Variants in ZDHHC9 observed in about 807,000 individuals in gnomAD.
ZDHHC9 encodes zDHHC palmitoyltransferase 9.
Under a neutral mutation model 26.6 loss-of-function variants are expected in ZDHHC9, and 3 were observed. The observed-to-expected ratio is 0.11, with a 90% CI of 0.05 to 0.29. The LOEUF is 0.29. ZDHHC9 is among the 10% of genes least tolerant of loss of function. The probability of loss-of-function intolerance (pLI) is 1.00; values close to 1 mark genes in which losing one functional copy is unlikely to be tolerated. For missense variants in ZDHHC9, 146 were observed against 296.4 expected (o/e 0.49, Z 3.73); for synonymous variants, 111 against 109.4 (o/e 1.01, Z -0.09).
chrX:129,830,237 T>A (rs914390048), intron 3 of ZDHHC9, among the ~76,000 whole-genome samples: 1 of 111,537 alleles, frequency 9.0e-6, no homozygotes, highest in African/African-American at 3.3e-5. Context: ...CTGGGAATGC[T>A]CCGGTTTGAA....
At position 129,806,366 on chromosome X, in the gene ZDHHC9, T is replaced by C. The variant is rs781056042; in HGVS notation, c.*4A>G. 2.1e-5 allele frequency: 25 copies of C among 1,203,554 alleles called. No homozygotes were observed. In the South Asian group the frequency reaches 3.9e-4, roughly 19 times the overall value. On this transcript the variant is annotated 3_prime_UTR_variant, in exon 11 of 11. Transcript: ENST00000357166. ...CACAAACAAAAGTCTCTTCCATAGA[T>C]AGGCTACTTCTCAGCTTCAGCTGCC...
chrX:129,826,323 A>G (rs1928016194), intron 4 of ZDHHC9, among the ~76,000 whole-genome samples: 1 of 111,242 alleles, frequency 9.0e-6, no homozygotes, highest in Non-Finnish European at 1.9e-5. Flanking sequence ...AGGGCATCAC[A>G]TGACTTCCTC....
At position 129,841,888 on chromosome X, in the gene ZDHHC9, T is replaced by C; in HGVS notation, c.58A>G (p.Arg20Gly). ...VTRKWEKLPG[R>G]NTFCCDGRVM... Reference sequence around the variant, plus strand: ...CGGCCATCACAGCAAAAGGTGTTCCTGCCTGGGAGTTTCTCCCATTTCCGT... The same window carrying C: ...CGGCCATCACAGCAAAAGGTGTTCCCGCCTGGGAGTTTCTCCCATTTCCGT... Residue 20 changes from arginine to glycine, a missense_variant, in exon 3 of 11, where the codon AGG (arginine) becomes GGG (glycine). This residue lies in a region of ZDHHC9 where 100 missense variants were observed against 250.0 expected (regional missense o/e 0.40). Coordinates refer to ENST00000357166, the MANE Select transcript of ZDHHC9 (RefSeq NM_016032.4). 1 of 1,211,937 alleles carries C rather than the reference T, an allele frequency of 8.3e-7. No individual in the cohort carries two copies.
chrX:129,842,822 C>T (rs1928412220), intron 2 of ZDHHC9, among the ~76,000 whole-genome samples: 1 of 112,759 alleles, frequency 8.9e-6, no homozygotes, highest in African/African-American at 3.2e-5. Context: ...CATCAGAGAC[C>T]TGTAGGTGAA....
Position 129,806,426 on chromosome X carries a change from T to A in ZDHHC9, c.1039A>T (p.Met347Leu). The change falls in exon 11 of 11, where the codon ATG becomes TTG. Residue 347 changes from methionine (M) to leucine (L), a missense_variant. Around this residue, in one of 2 missense-constraint regions of ZDHHC9, gnomAD observed 46 missense variants for 46.4 expected, o/e 0.99. Coordinates refer to ENST00000357166, the MANE Select transcript of ZDHHC9 (RefSeq NM_016032.4). ...MPEDSSTPEE[M>L]PPPEPPEPPQ... Reference sequence around the variant, plus strand: ...GGCTCTGGGGGCTCTGGAGGTGGCATCTCTTCGGGAGTGCTGCTGTCCTCC... The same window carrying A: ...GGCTCTGGGGGCTCTGGAGGTGGCAACTCTTCGGGAGTGCTGCTGTCCTCC... 8.3e-7 allele frequency: 1 copy of A among 1,211,809 alleles called. No homozygotes were observed. The highest frequency in any genetic ancestry group is 1.1e-6 in the Non-Finnish European group (1 of 895,515).
intron 7 of ZDHHC9, 57 bp from the exon 8 acceptor site, chrX:129,812,877 G>T: frequency 1.2e-6 from 1 of 842,484 alleles, no homozygotes; most frequent in Non-Finnish European, 1.8e-6. Context: ...TGATGCCTCC[G>T]CCCATATTCA....
intron 8 of ZDHHC9, among the ~76,000 whole-genome samples, chrX:129,811,858 T>C (rs1478432114): frequency 9.0e-6 from 1 of 110,919 alleles, no homozygotes; most frequent in Non-Finnish European, 1.9e-5. Context: ...ATACTCACAA[T>C]AGAGTGAAAA....
chrX:129,832,945 A>T (rs1474068120), intron 3 of ZDHHC9, among the ~76,000 whole-genome samples: 1 of 97,278 alleles, frequency 1.0e-5, no homozygotes, highest in African/African-American at 4.1e-5. Flanking sequence ...CAGCCTGGTG[A>T]CAGAGCAAGA....
intron 3 of ZDHHC9, among the ~76,000 whole-genome samples, chrX:129,839,483 G>C (rs185750794): frequency 1.8e-3 from 203 of 111,462 alleles, no homozygotes; most frequent in Non-Finnish European, 2.8e-3. Flanking sequence ...CAAGTGCTGG[G>C]ATTACAGGCA....
At chrX:129,812,276 G>C (rs1206581132) in intron 8 of ZDHHC9, among the ~76,000 whole-genome samples, 1 of 111,849 alleles carries the variant, frequency 8.9e-6, no homozygotes, top group Non-Finnish European at 1.9e-5. Flanking sequence ...GTAGAGACAG[G>C]GTTTTGCCAT....
rs1928109371 is a variant in ZDHHC9, at chrX:129,830,171, T to C, written c.168-1030A>G. Among the ~76,000 whole-genome samples, 3 of 111,916 alleles carry C rather than the reference T, an allele frequency of 2.7e-5. No homozygotes were observed. The South Asian group carries it at 1.1e-3, about 42-fold the overall frequency. ...TATTTCCTAGCTATTTCTCAGTATG[T>C]TGATGGCATCTCCCTCAACTGGACT... On this transcript the variant is annotated intron_variant, in intron 3 of 10. Transcript: ENST00000357166.
chrX:129,835,988 G>A (rs1007952806), intron 3 of ZDHHC9, among the ~76,000 whole-genome samples: 10 of 111,617 alleles, frequency 9.0e-5, no homozygotes, highest in Non-Finnish European at 1.7e-4. Context: ...GACAGAATCC[G>A]AAGCTAGATA....
chrX:129,835,309 T>C (rs1342997642), intron 3 of ZDHHC9, among the ~76,000 whole-genome samples: 1 of 108,475 alleles, frequency 9.2e-6, no homozygotes, highest in African/African-American at 3.4e-5. Flanking sequence ...TAGTCAGGCA[T>C]AGTGGCTCAC....
intron 3 of ZDHHC9, among the ~76,000 whole-genome samples, chrX:129,833,314 C>T (rs1047471474): frequency 2.7e-5 from 3 of 112,010 alleles, no homozygotes; most frequent in Admixed American, 9.5e-5. Context: ...TCAGGCGGCA[C>T]GGTGGTACTG....
At chrX:129,823,942 C>T (rs756111976) in intron 4 of ZDHHC9, 105 bp from the exon 5 acceptor site, 85 of 769,308 alleles carry the variant, frequency 1.1e-4, no homozygotes, top group Non-Finnish European at 1.5e-4. Context: ...GTTCCCCAAG[C>T]CCCCTGTCTT....
At chrX:129,813,824 G>A (rs922502151) in intron 6 of ZDHHC9, 99 bp from the exon 7 acceptor site, 19 of 784,385 alleles carry the variant, frequency 2.4e-5, no homozygotes, top group African/African-American at 1.4e-4. Flanking sequence ...TCCCTCTCCC[G>A]TGTTACACAC....
At chrX:129,821,368 C>G (rs1927881992) in intron 5 of ZDHHC9, among the ~76,000 whole-genome samples, 1 of 106,026 alleles carries the variant, frequency 9.4e-6, no homozygotes, top group Non-Finnish European at 1.9e-5. Context: ...TCTTGGCTCA[C>G]TACAACCTCC....
chrX:129,831,407 G>C (rs1354591924), intron 3 of ZDHHC9, among the ~76,000 whole-genome samples: 1 of 111,595 alleles, frequency 9.0e-6, no homozygotes, highest in Non-Finnish European at 1.9e-5. Context: ...ACCAAAGAGA[G>C]CTTAATTTTT....
chrX:129,817,383 C>T (rs772776186), intron 5 of ZDHHC9, among the ~76,000 whole-genome samples: 66 of 109,610 alleles, frequency 6.0e-4, no homozygotes, highest in African/African-American at 2.1e-3. Context: ...GCTCGGGAGG[C>T]GGAGGTTGCA....
Sources: allele counts gnomAD v4.1 joint callset (sites outside exome capture counted in the v4.1 genomes callset), GRCh38; gene constraint gnomAD v4.1.1; regional missense constraint gnomAD v4.1.1; transcripts MANE v1.5; gene names NCBI Gene and HGNC (gene_info 2026-07-23, HGNC 2026-07-21).